Variants in WASHC4 observed in about 807,000 individuals in gnomAD.
The protein encoded by WASHC4 is WASH complex subunit 7.
In WASHC4, 86 loss-of-function variants were observed where a neutral mutation model predicts 166.6. That is an observed-to-expected ratio of 0.52 (90% CI 0.43 to 0.62). The LOEUF (loss-of-function observed/expected upper bound fraction) is 0.62. Among genes scored for constraint, WASHC4 ranks in the 20% least tolerant of loss-of-function variants. WASHC4 has a pLI of 0.00. For synonymous variants in WASHC4, 446 were observed against 451.6 expected (o/e 0.99, Z 0.16); for missense variants, 1,262 against 1,382.4 (o/e 0.91, Z 1.38).
chr12:105,143,163 A>G lies in WASHC4; in HGVS notation c.1930A>G (p.Met644Val), dbSNP rs777869523. ...TGCTTTGCGCGACTGTGTACCTGCT[A>G]TGATGCATGCAAGGCATTTAGAGTC... The part of the protein sequence containing the change: ...FSALRDCVPA[M>V]MHARHLESYE... The change falls in exon 20 of 33, where the codon ATG becomes GTG. Residue 644 changes from methionine (M) to valine (V), a missense_variant. Transcript: ENST00000332180. 5.6e-6 allele frequency: 9 copies of G among 1,611,534 alleles called. No individual in the cohort carries two copies. Among genetic ancestry groups the G allele is most frequent in the Non-Finnish European group, 6.8e-6 (8 of 1,178,000 alleles).
At position 105,146,359 on chromosome 12, in the gene WASHC4, A is replaced by T. The variant is rs999077802; in HGVS notation, c.2335-93A>T. On this transcript the variant is annotated intron_variant, in intron 22 of 32. Coordinates refer to ENST00000332180, the MANE Select transcript of WASHC4 (RefSeq NM_015275.3). ...TTAAAATAACTTAAAAATTATTAGG[A>T]AACAGTATAATCAATAAGTCATTAT... The T allele has an allele frequency of 5.1e-6, 4 of 790,176 alleles. No homozygotes were observed. The African/African-American group carries it at 7.1e-5, about 14-fold the overall frequency. 48.9% of individuals were successfully genotyped at this position (790,176 alleles called of 1,614,324 possible). A position where few individuals can be genotyped will look rare whatever the true frequency, so the allele number is the denominator to read the frequency against.
At position 105,162,756 on chromosome 12, in the gene WASHC4, A is replaced by G. The variant is rs201782304; in HGVS notation, c.3068A>G (p.Asn1023Ser). Residue 1023 changes from asparagine (N) to serine (S), a missense_variant, in exon 30 of 33, where the codon AAC (asparagine) becomes AGC (serine). By Grantham distance (46) the Asn-to-Ser change is conservative (BLOSUM62 1). Transcript: ENST00000332180. ...FYIIVPPLTL[N>S]FVEHSISCKE... ...GTTGTTACATCTTTTTAGACCCTCA[A>G]CTTTGTAGAGCATTCCATTAGTTGC... The G allele has an allele frequency of 3.2e-5, 51 of 1,571,154 alleles. No individual in the cohort carries two copies. In the African/African-American group the frequency reaches 5.1e-4, roughly 16 times the overall value.
intron 9 of WASHC4, 94 bp from the exon 10 acceptor site, chr12:105,122,018 GAAATAT>G (rs1435562276): frequency 1.1e-5 from 9 of 820,198 alleles, no homozygotes; most frequent in African/African-American, 1.7e-5. Context: ...AGCCAAACAA[GAAATAT>G]AAATATAAAA....
chr12:105,115,662 T>C lies in WASHC4; in HGVS notation c.369T>C (p.Ala123=). The change falls in exon 6 of 33, where the codon GCT becomes GCC. Residue 123 remains alanine, a splice_region_variant and synonymous_variant. Transcript: ENST00000332180. ...YNGLLFYGEG[A]TDASMVEGDC... ...GCTTATTCATGTTGCCTTTTACAGC[T>C]ACAGATGCCAGCATGGTGGAAGGTG... is the stretch of plus-strand genomic sequence containing the variant. 4 of 1,605,526 alleles carry C rather than the reference T, an allele frequency of 2.5e-6. No homozygotes were observed. In the South Asian group the frequency reaches 4.4e-5, roughly 18 times the overall value.
chr12:105,137,086 A>G (rs1222370868), intron 14 of WASHC4, among the ~76,000 whole-genome samples: 4 of 152,316 alleles, frequency 2.6e-5, no homozygotes, highest in Middle Eastern at 3.4e-3. Flanking sequence ...TGGGAACTTT[A>G]TAGACCCAAA....
At chr12:105,109,877 T>G (rs778620821) in intron 1 of WASHC4, among the ~76,000 whole-genome samples, 14 of 152,264 alleles carry the variant, frequency 9.2e-5, no homozygotes, top group Middle Eastern at 6.8e-3. Flanking sequence ...CCTAAAGTGT[T>G]GGGGTGAGCC....
chr12:105,161,583 G>A (rs1442622654), intron 29 of WASHC4, among the ~76,000 whole-genome samples: 2 of 152,102 alleles, frequency 1.3e-5, no homozygotes, highest in Admixed American at 6.5e-5. Flanking sequence ...AAAACAAAGT[G>A]GATTAAAAGC....
At chr12:105,145,522 GTTTGTATATCCTTTCATTTAT>G (rs1437049155) in intron 22 of WASHC4, among the ~76,000 whole-genome samples, 4 of 151,908 alleles carry the variant, frequency 2.6e-5, no homozygotes, top group Non-Finnish European at 5.9e-5. Flanking sequence ...TCTAGGATCA[GTTTGTATATCCTTTCATTTAT>G]TTTGTATATC....
chr12:105,147,186 C>T (rs545412226), intron 24 of WASHC4, 40 bp downstream of exon 24: 20 of 1,103,946 alleles, frequency 1.8e-5, no homozygotes, highest in South Asian at 4.9e-5. Context: ...GTAATAGACC[C>T]GTTTAATAGC....
intron 14 of WASHC4, among the ~76,000 whole-genome samples, chr12:105,136,113 T>C (rs142918149): frequency 6.6e-6 from 1 of 152,292 alleles, no homozygotes; most frequent in East Asian, 1.9e-4. Context: ...ATTTTGATCC[T>C]GTGATGGTTG....
chr12:105,160,248 A>AT (rs1884413844), intron 29 of WASHC4, 100 bp downstream of exon 29: 1 of 959,910 alleles, frequency 1.0e-6, no homozygotes, highest in East Asian at 2.4e-5. Context: ...AGACTACACT[A>AT]TTAATTTCCT....
intron 1 of WASHC4, among the ~76,000 whole-genome samples, chr12:105,108,398 G>T (rs1323804328): frequency 6.6e-6 from 1 of 152,160 alleles, no homozygotes; most frequent in Non-Finnish European, 1.5e-5. Context: ...TTCACCCTGC[G>T]AAAATAAACA....
At chr12:105,119,983 C>T (rs1829951157) in intron 7 of WASHC4, among the ~76,000 whole-genome samples, 1 of 152,148 alleles carries the variant, frequency 6.6e-6, no homozygotes, top group African/African-American at 2.4e-5. Context: ...GTAATCCCAG[C>T]TCTCAGGGAG....
At chr12:105,161,654 A>C (rs1048746069) in intron 29 of WASHC4, among the ~76,000 whole-genome samples, 1 of 152,220 alleles carries the variant, frequency 6.6e-6, no homozygotes, top group Non-Finnish European at 1.5e-5. Context: ...TTCCAGAAAA[A>C]AGACAAGCAT....
At chr12:105,138,034 G>A (rs1882466329) in intron 15 of WASHC4, 23 bp downstream of exon 15, 1 of 1,603,996 alleles carries the variant, frequency 6.2e-7, no homozygotes, top group African/African-American at 1.3e-5. Flanking sequence ...TTATTTTACT[G>A]CTCCATCATA....
In WASHC4 at chr12:105,143,131, T is replaced by C. The variant is rs1382211110; in HGVS notation, c.1898T>C (p.Met633Thr). Residue 633 changes from methionine to threonine, a missense_variant, in exon 20 of 33, where the codon ATG (methionine) becomes ACG (threonine). Coordinates refer to ENST00000332180, the MANE Select transcript of WASHC4 (RefSeq NM_015275.3). ...NAVDAARLHYMFSALRDCVPA... is the reference protein window; with the variant it reads ...NAVDAARLHYTFSALRDCVPA... ...ACATTTTAATTTTCTTCTTAGTACA[T>C]GTTCAGTGCTTTGCGCGACTGTGTA... 3.8e-6 allele frequency: 6 copies of C among 1,598,710 alleles called. No homozygotes were observed. Among genetic ancestry groups the C allele is most frequent in the Admixed American group, 3.3e-5 (2 of 59,864 alleles).
intron 6 of WASHC4, among the ~76,000 whole-genome samples, chr12:105,116,317 A>G (rs1293025877): frequency 6.6e-6 from 1 of 152,186 alleles, no homozygotes; most frequent in African/African-American, 2.4e-5. Context: ...GTTGAGTACA[A>G]GATTTGATAT....
At position 105,111,738 on chromosome 12, in the gene WASHC4, A is replaced by G. The variant is rs190787542; in HGVS notation, c.201+474A>G. Among the ~76,000 whole-genome samples the G allele has an allele frequency of 6.4e-4, 98 of 152,324 alleles. 4 individuals carry two copies. The East Asian group carries it at 0.014, about 22-fold the overall frequency. Reference sequence around the variant, plus strand: ...TAATGTGTGAGTAATTTTTTAATGTATAAAATACATTACTCTTTCCATTTT... The same window carrying G: ...TAATGTGTGAGTAATTTTTTAATGTGTAAAATACATTACTCTTTCCATTTT... On this transcript the variant is annotated intron_variant, in intron 2 of 32. Transcript: ENST00000332180.
chr12:105,146,930 T>C, intron 23 of WASHC4, 112 bp from the exon 24 acceptor site: 1 of 727,862 alleles, frequency 1.4e-6, no homozygotes, highest in Non-Finnish European at 2.5e-6. Flanking sequence ...GATTGCATTT[T>C]CAATTAAATT....
Sources: allele counts gnomAD v4.1 joint callset (sites outside exome capture counted in the v4.1 genomes callset), GRCh38; gene constraint gnomAD v4.1.1; transcripts MANE v1.5; gene names NCBI Gene and HGNC (gene_info 2026-07-23, HGNC 2026-07-21).